The following E2F5 variants were observed in gnomAD, a reference collection of about 807,000 sequenced individuals.
The protein encoded by E2F5 is E2F transcription factor 5, also known as transcription factor E2F5.
A neutral mutation model predicts 39.1 loss-of-function variants in E2F5; 23 were observed. That is an observed-to-expected ratio of 0.59 (90% CI 0.42 to 0.83). The LOEUF is 0.83. Among genes scored for constraint, E2F5 ranks in the 40% least tolerant of loss-of-function variants. The pLI is 0.00. For missense variants in E2F5, 365 were observed against 406.7 expected, an observed-to-expected ratio of 0.90 and a Z score of 0.88; for synonymous variants, 145 against 157.8, an observed-to-expected ratio of 0.92 and a Z score of 0.61.
At chr8:85,193,761 A>G (rs1812518494) in intron 1 of E2F5, among the ~76,000 whole-genome samples, 1 of 152,018 alleles carries the variant, frequency 6.6e-6, no homozygotes, top group African/African-American at 2.4e-5. Flanking sequence ...AGCTTCTTTC[A>G]CTTGGCATGT....
At chr8:85,191,372 A>G (rs563352868) in intron 1 of E2F5, among the ~76,000 whole-genome samples, 33 of 152,238 alleles carry the variant, frequency 2.2e-4, no homozygotes, top group Non-Finnish European at 4.3e-4. Context: ...TGGTGACTAT[A>G]GTTAATAACA....
intron 1 of E2F5, among the ~76,000 whole-genome samples, chr8:85,191,503 A>G (rs1812464152): frequency 6.6e-6 from 1 of 152,258 alleles, no homozygotes; most frequent in Non-Finnish European, 1.5e-5. Flanking sequence ...CCATTCCACA[A>G]TGTATACATA....
chr8:85,192,289 A>C (rs1812483046), intron 1 of E2F5, among the ~76,000 whole-genome samples: 1 of 152,220 alleles, frequency 6.6e-6, no homozygotes, highest in Non-Finnish European at 1.5e-5. Flanking sequence ...GGACATGAAT[A>C]AGATGCCTGT....
rs750597283 is a variant in E2F5, at chr8:85,213,885, T to C, written c.*23T>C. 1.5e-6 allele frequency: 2 copies of C among 1,340,808 alleles called. No homozygotes were observed. The highest frequency in any genetic ancestry group is 2.1e-6 in the Non-Finnish European group (2 of 932,966). 83.1% of individuals were successfully genotyped at this position (1,340,808 alleles called of 1,614,324 possible). A position where few individuals can be genotyped will look rare whatever the true frequency, so the allele number is the denominator to read the frequency against. On this transcript the variant is annotated 3_prime_UTR_variant, in exon 8 of 8. Transcript: ENST00000416274. ...TAGATTCCATGGAAACTTGGGACTG[T>C]TATCTACCTCTAACTGTGTAACATT...
At chr8:85,200,965 G>A (rs1812684760) in intron 1 of E2F5, among the ~76,000 whole-genome samples, 1 of 152,198 alleles carries the variant, frequency 6.6e-6, no homozygotes, top group Non-Finnish European at 1.5e-5. Flanking sequence ...ACTGAGGCAT[G>A]AATCCCCTTC....
intron 1 of E2F5, among the ~76,000 whole-genome samples, chr8:85,201,030 T>C (rs926277936): frequency 1.3e-5 from 2 of 152,150 alleles, no homozygotes; most frequent in Admixed American, 1.3e-4. Context: ...TGGTGGCACA[T>C]ACAAAAAAAT....
In E2F5 at chr8:85,204,502, T is replaced by G. The variant is rs1415599835; in HGVS notation, c.506+1247T>G. Among the ~76,000 whole-genome samples, 4 of 118,760 alleles carry G rather than the reference T, an allele frequency of 3.4e-5. No individual in the cohort carries two copies. In the South Asian group the frequency reaches 1.1e-3, roughly 33 times the overall value. 77.9% of individuals were successfully genotyped at this position (118,760 alleles called of 152,430 possible). ...GTGGGAATTGAACAATGAGAACACATGGACACAGGAAGGGGAACATCACAC... is the reference window on the plus strand; with the variant it reads ...GTGGGAATTGAACAATGAGAACACAGGGACACAGGAAGGGGAACATCACAC... On this transcript the variant is annotated intron_variant, in intron 3 of 7. Coordinates refer to ENST00000416274, the MANE Select transcript of E2F5 (RefSeq NM_001951.4).
intron 1 of E2F5, 117 bp from the exon 2 acceptor site, chr8:85,202,030 C>T (rs1394489058): frequency 3.8e-6 from 3 of 779,898 alleles, no homozygotes; most frequent in Non-Finnish European, 6.4e-6. Context: ...TGTCCCCAAG[C>T]AACTGAGTGG....
chr8:85,181,687 T>G (rs1485630447), intron 1 of E2F5, among the ~76,000 whole-genome samples: 1 of 138,248 alleles, frequency 7.2e-6, no homozygotes, highest in Non-Finnish European at 1.6e-5. Context: ...CGGTCAGGCG[T>G]GGTGGCTCAC....
chr8:85,213,251 A>T (rs983716821), intron 7 of E2F5: 2 of 151,686 alleles, frequency 1.3e-5, no homozygotes, highest in Non-Finnish European at 2.9e-5. Flanking sequence ...CCAATAAAAA[A>T]TTTAATTTCT....
At chr8:85,205,376 C>T (rs1812781069) in intron 3 of E2F5, among the ~76,000 whole-genome samples, 1 of 151,968 alleles carries the variant, frequency 6.6e-6, no homozygotes, top group South Asian at 2.1e-4. Flanking sequence ...GCTGTGATTA[C>T]AGGTGCTCAC....
At chr8:85,180,506 C>CTATATATATATATA (rs1812181927) in intron 1 of E2F5, among the ~76,000 whole-genome samples, 2 of 62,472 alleles carry the variant, frequency 3.2e-5, no homozygotes, top group Non-Finnish European at 5.7e-5. Context: ...GTTAAAGAAA[C>CTATATATATATATA]TATACATATA....
intron 5 of E2F5, among the ~76,000 whole-genome samples, chr8:85,208,199 A>T (rs533212491): frequency 2.0e-5 from 3 of 152,212 alleles, no homozygotes; most frequent in Admixed American, 2.0e-4. Context: ...ATGGTGGTGC[A>T]TGCCTGTAAT....
Position 85,214,366 on chromosome 8 carries a change from T to C in E2F5, c.*504T>C. The C allele has an allele frequency of 1.6e-6, 1 of 606,510 alleles. No homozygotes were observed. 37.6% of individuals were successfully genotyped at this position (606,510 alleles called of 1,614,324 possible). ...ACAGATTTTGTGAAGTGCCTTCTGT[T>C]TTAGCACTTTAAGTTTATCACATTT... On this transcript the variant is annotated 3_prime_UTR_variant, in exon 8 of 8. Coordinates refer to ENST00000416274, the MANE Select transcript of E2F5 (RefSeq NM_001951.4).
chr8:85,177,483 G>A lies in E2F5; in HGVS notation c.63G>A (p.Gln21=). ...CGCCGGCAGGGCAGGGGCAGGGCCA[G>A]CGGCCGCCGCCGCAGCCTCCGCAGG... is the stretch of plus-strand genomic sequence containing the variant. ...QQAPAGQGQG[Q]RPPPQPPQAQ... Residue 21 remains glutamine, a synonymous_variant, in exon 1 of 8, where the codon CAG becomes CAA. Transcript: ENST00000416274. 1 of 1,026,124 alleles carries A rather than the reference G, an allele frequency of 9.7e-7. No individual in the cohort carries two copies. The highest frequency in any genetic ancestry group is 1.2e-6 in the Non-Finnish European group (1 of 858,652). The allele number at this position is 1,026,124 out of a possible 1,614,324, so 63.6% of individuals were successfully genotyped here.
At chr8:85,182,765 G>A (rs1373916517) in intron 1 of E2F5, among the ~76,000 whole-genome samples, 2 of 152,038 alleles carry the variant, frequency 1.3e-5, no homozygotes, top group African/African-American at 4.8e-5. Flanking sequence ...TGCCATTTTG[G>A]TGTCAGTATG....
At chr8:85,181,559 T>C (rs1256654065) in intron 1 of E2F5, among the ~76,000 whole-genome samples, 5 of 148,796 alleles carry the variant, frequency 3.4e-5, no homozygotes, top group Non-Finnish European at 7.4e-5. Context: ...TAGAATGGTC[T>C]CGATCTTCTG....
chr8:85,182,903 G>T (rs1346060969), intron 1 of E2F5, among the ~76,000 whole-genome samples: 2 of 152,136 alleles, frequency 1.3e-5, no homozygotes, highest in African/African-American at 4.8e-5. Context: ...GGTCCCTGAT[G>T]CATACCCGTT....
In E2F5 at chr8:85,211,640, G is replaced by GTT. The variant is rs1563984332; in HGVS notation, c.884-516_884-515dup. 2.3e-4 allele frequency among the ~76,000 whole-genome samples: 19 copies of GTT among 81,054 alleles called. 2 individuals are homozygous for GTT. The highest frequency in any genetic ancestry group is 1.1e-3 in the African/African-American group (18 of 15,866). The allele number at this position is 81,054 out of a possible 152,430, so 53.2% of individuals were successfully genotyped here. A position where few individuals can be genotyped will look rare whatever the true frequency, so the allele number is the denominator to read the frequency against. ...TGGTAGAATGATGATGAGGTTTGTT[G>GTT]TTGTTTTTTTTTTTTTTTTTTTTTT... is the stretch of plus-strand genomic sequence containing the variant. On this transcript the variant is annotated intron_variant, in intron 6 of 7. Coordinates refer to ENST00000416274, the MANE Select transcript of E2F5 (RefSeq NM_001951.4).
Sources: allele counts gnomAD v4.1 joint callset (sites outside exome capture counted in the v4.1 genomes callset), GRCh38; gene constraint gnomAD v4.1.1; transcripts MANE v1.5; gene names NCBI Gene and HGNC (gene_info 2026-07-23, HGNC 2026-07-21).